Variants in KCTD2 observed in about 807,000 individuals in gnomAD.
The protein encoded by KCTD2 is BTB/POZ domain-containing protein KCTD2.
Under a neutral mutation model 27.9 loss-of-function variants are expected in KCTD2, and 18 were observed. The observed-to-expected ratio is 0.64, with a 90% CI of 0.45 to 0.96. The LOEUF is 0.96. Among genes scored for constraint, KCTD2 ranks in the 40% least tolerant of loss-of-function variants. The pLI is 0.00. For synonymous variants in KCTD2, 175 were observed against 148.4 expected (o/e 1.18, Z -1.30); for missense variants, 280 against 348.0 (o/e 0.80, Z 1.56).
chr17:75,058,838 C>G (rs1471120937), intron 3 of KCTD2, among the ~76,000 whole-genome samples: 1 of 151,616 alleles, frequency 6.6e-6, no homozygotes, highest in East Asian at 1.9e-4. Flanking sequence ...TGGCTCATGC[C>G]TGTAATCCCA....
intron 3 of KCTD2, among the ~76,000 whole-genome samples, chr17:75,054,738 C>T (rs946897604): frequency 2.0e-5 from 3 of 151,042 alleles, no homozygotes; most frequent in African/African-American, 2.4e-5. Flanking sequence ...ACCCAGGAGG[C>T]GGAGCTTGTA....
At chr17:75,047,767 T>C (rs2073241909) in intron 1 of KCTD2, among the ~76,000 whole-genome samples, 178 bp downstream of exon 1, 1 of 151,954 alleles carries the variant, frequency 6.6e-6, no homozygotes, top group Admixed American at 6.6e-5. Flanking sequence ...ACTCCCCTTC[T>C]TCCATGCTGA....
Position 75,047,480 on chromosome 17 carries a change from A to G in KCTD2, c.230A>G (p.Asn77Ser). ...GGGAARWVRLNVGGTYFVTTR... is the reference protein window; with the variant it reads ...GGGAARWVRLSVGGTYFVTTR... The stretch of plus-strand genomic sequence containing the variant: ...GGCGCGGCCCGCTGGGTCAGGCTGA[A>G]CGTGGGAGGCACCTACTTCGTGACC... The change falls in exon 1 of 6, where the codon AAC becomes AGC. Residue 77 changes from asparagine to serine, a missense_variant. Coordinates refer to ENST00000322444, the MANE Select transcript of KCTD2 (RefSeq NM_015353.3). 1 of 1,595,494 alleles carries G rather than the reference A, an allele frequency of 6.3e-7. No homozygotes were observed. The highest frequency in any genetic ancestry group is 1.1e-5 in the South Asian group (1 of 90,514).
intron 3 of KCTD2, among the ~76,000 whole-genome samples, chr17:75,058,909 AAC>A (rs2073376479): frequency 2.0e-5 from 3 of 151,948 alleles, no homozygotes; most frequent in Non-Finnish European, 4.4e-5. Flanking sequence ...CATCCTGGCT[AAC>A]ACAGTGAAAC....
At chr17:75,053,412 C>T (rs938579405) in intron 3 of KCTD2, among the ~76,000 whole-genome samples, 1 of 152,058 alleles carries the variant, frequency 6.6e-6, no homozygotes, top group African/African-American at 2.4e-5. Flanking sequence ...CTCCTAAAGA[C>T]CATAGAGGTC....
chr17:75,046,418 C>A (rs368992316), upstream of KCTD2, among the ~76,000 whole-genome samples: 1 of 152,144 alleles, frequency 6.6e-6, no homozygotes, highest in East Asian at 1.9e-4. Flanking sequence ...ATTGCTTAAT[C>A]CCCAGCGCCT....
intron 3 of KCTD2, chr17:75,040,283 T>C (rs2073145829): frequency 8.8e-7 from 1 of 1,142,332 alleles, no homozygotes; most frequent in South Asian, 1.3e-5. Flanking sequence ...TTAAAGGTCA[T>C]ACTGAAAGAC....
At position 75,065,147 on chromosome 17, in the gene KCTD2, T is replaced by C. The variant is rs1045316636; in HGVS notation, c.*2100T>C. On this transcript the variant is annotated 3_prime_UTR_variant, in exon 6 of 6. Coordinates refer to ENST00000322444, the MANE Select transcript of KCTD2 (RefSeq NM_015353.3). ...GTTGCCGCCATGAAAAGACTGCTCT[T>C]GAGCCCCAAGGCACAGGCACGTGCT... The C allele has an allele frequency of 3.9e-5, 6 of 152,116 alleles. No homozygotes were observed. The highest frequency in any genetic ancestry group is 1.5e-4 in the African/African-American group (6 of 41,340). 9.4% of individuals were successfully genotyped at this position (152,116 alleles called of 1,614,324 possible).
intron 2 of KCTD2, among the ~76,000 whole-genome samples, 191 bp from the exon 3 acceptor site, chr17:75,052,823 G>C (rs2073302955): frequency 6.6e-6 from 1 of 152,244 alleles, no homozygotes; most frequent in Admixed American, 6.5e-5. Context: ...GAACGCAGGA[G>C]GCGGAGGTTG....
chr17:75,039,490 C>T, intron 3 of KCTD2: 1 of 534,438 alleles, frequency 1.9e-6, no homozygotes, highest in Admixed American at 3.2e-5. Context: ...GATGGCAGCA[C>T]CCGGCTGCTT....
At chr17:75,035,946 C>G (rs1451005120) in intron 3 of KCTD2, 2 of 404,072 alleles carry the variant, frequency 4.9e-6, no homozygotes, top group African/African-American at 4.1e-5. Flanking sequence ...TCCACACTCA[C>G]ACGGCACCCA....
chr17:75,038,975 T>C (rs372683545), intron 3 of KCTD2: 1 of 1,614,206 alleles, frequency 6.2e-7, no homozygotes, highest in African/African-American at 1.3e-5. Flanking sequence ...GGGATACTTT[T>C]TCTTGTCTAA....
intron 3 of KCTD2, among the ~76,000 whole-genome samples, chr17:75,058,961 G>A (rs1423352239): frequency 1.3e-5 from 2 of 151,496 alleles, no homozygotes; most frequent in African/African-American, 4.8e-5. Flanking sequence ...AGCCGGGCGT[G>A]GTGGCGGGTG....
intron 3 of KCTD2, among the ~76,000 whole-genome samples, chr17:75,057,325 T>C (rs1357600790): frequency 6.6e-6 from 1 of 152,006 alleles, no homozygotes; most frequent in East Asian, 1.9e-4. Context: ...GTGGTTTACT[T>C]TGGAAGGGAG....
At chr17:75,060,615 A>G (rs2144941431) in intron 4 of KCTD2, 2 of 1,598,736 alleles carry the variant, frequency 1.3e-6, no homozygotes, top group East Asian at 2.3e-5. Flanking sequence ...CTGGCTCGCC[A>G]GGTTCATGGC....
intron 3 of KCTD2, chr17:75,040,274 T>TA: frequency 8.0e-7 from 1 of 1,253,952 alleles, no homozygotes; most frequent in Non-Finnish European, 1.2e-6. Flanking sequence ...TACGAATCCT[T>TA]AAAGGTCATA....
chr17:75,035,716 G>C (rs574738178), intron 3 of KCTD2, among the ~76,000 whole-genome samples: 1 of 152,296 alleles, frequency 6.6e-6, no homozygotes, highest in African/African-American at 2.4e-5. Context: ...TGTAAACCCA[G>C]CTACTCAGGA....
intron 3 of KCTD2, among the ~76,000 whole-genome samples, 190 bp downstream of exon 3, chr17:75,053,295 C>T (rs1266641509): frequency 6.6e-6 from 1 of 152,140 alleles, no homozygotes; most frequent in Non-Finnish European, 1.5e-5. Context: ...ACAGAATAGG[C>T]CTATGTCCCA....
intron 2 of KCTD2, among the ~76,000 whole-genome samples, chr17:75,049,934 T>C (rs914494398): frequency 6.6e-6 from 1 of 152,190 alleles, no homozygotes; most frequent in African/African-American, 2.4e-5. Flanking sequence ...AGGCATTCAG[T>C]TGTAAAGGGG....
Sources: gnomAD v4.1 joint callset for allele counts (sites outside exome capture counted in the v4.1 genomes callset) on GRCh38, gnomAD v4.1.1 for gene constraint, MANE v1.5 for transcripts, NCBI Gene and HGNC (gene_info 2026-07-23, HGNC 2026-07-21) for gene names.